The following CACNA2D2 variants were observed in gnomAD, a reference collection of about 807,000 sequenced individuals.
CACNA2D2 encodes the protein calcium voltage-gated channel auxiliary subunit alpha2delta 2, also known as voltage-dependent calcium channel subunit alpha-2/delta-2.
CACNA2D2 carries 48 observed loss-of-function variants against 166.4 expected under a neutral mutation model. The ratio of observed to expected loss-of-function variants is 0.29; its 90% CI spans 0.23 to 0.37. The LOEUF (loss-of-function observed/expected upper bound fraction) is 0.37, where lower values mean the gene tolerates loss of function less well. Ranked by LOEUF, CACNA2D2 falls within the 10% of genes least tolerant of loss-of-function variation. CACNA2D2 has a pLI of 1.00. For missense variants in CACNA2D2, 1,122 were observed against 1,433.0 expected (o/e 0.78, Z 3.50); for synonymous variants, 561 against 573.7 (o/e 0.98, Z 0.32).
Position 50,384,349 on chromosome 3 carries a change from G to A in CACNA2D2, c.511-12C>T. On this transcript the variant is annotated splice_polypyrimidine_tract_variant and intron_variant, in intron 5 of 37. Coordinates refer to ENST00000424201, the MANE Select transcript of CACNA2D2 (RefSeq NM_006030.4). ...CTCTCAGGGTCGTCCTGCAGAAAGG[G>A]CACCCCCGAGCAATGTCAGGGCTGG... The A allele has an allele frequency of 6.2e-7, 1 of 1,612,574 alleles. No homozygotes were observed. Among genetic ancestry groups the A allele is most frequent in the South Asian group, 1.1e-5 (1 of 90,930 alleles).
At chr3:50,401,216 T>A (rs1288710338) in intron 3 of CACNA2D2, among the ~76,000 whole-genome samples, 3 of 152,042 alleles carry the variant, frequency 2.0e-5, no homozygotes, top group Non-Finnish European at 4.4e-5. Context: ...CTCACAGGAC[T>A]CATGCGTCTT....
At chr3:50,412,945 TGACTGCCAGGGCCCAG>T (rs1707091131) in intron 3 of CACNA2D2, among the ~76,000 whole-genome samples, 1 of 152,096 alleles carries the variant, frequency 6.6e-6, no homozygotes, top group East Asian at 1.9e-4. Context: ...TCTATTAGGG[TGACTGCCAGGGCCCAG>T]GACTTGGGAC....
At chr3:50,472,213 T>A (rs1158715189) in intron 2 of CACNA2D2, among the ~76,000 whole-genome samples, 1 of 152,226 alleles carries the variant, frequency 6.6e-6, no homozygotes, top group Non-Finnish European at 1.5e-5. Flanking sequence ...TTTCCCCATT[T>A]GTATGACAGG....
Position 50,363,557 on chromosome 3 carries a change from A to C in CACNA2D2, c.*1109T>G. The C allele has an allele frequency of 3.1e-6, 1 of 327,208 alleles. No individual in the cohort carries two copies. The highest frequency in any genetic ancestry group is 5.5e-6 in the Non-Finnish European group (1 of 182,692). The allele number at this position is 327,208 out of a possible 1,614,324, so 20.3% of individuals were successfully genotyped here. Reference sequence around the variant, plus strand: ...GTGTGTGTGTAGGGGTGGGAAGGAGATAGGGAGTGGGCACAGGCCTGAGTG... The same window carrying C: ...GTGTGTGTGTAGGGGTGGGAAGGAGCTAGGGAGTGGGCACAGGCCTGAGTG... On this transcript the variant is annotated 3_prime_UTR_variant, in exon 38 of 38. Coordinates refer to ENST00000424201, the MANE Select transcript of CACNA2D2 (RefSeq NM_006030.4).
chr3:50,465,437 T>C (rs1224142950), intron 2 of CACNA2D2, among the ~76,000 whole-genome samples: 12 of 152,122 alleles, frequency 7.9e-5, no homozygotes, highest in Non-Finnish European at 1.3e-4. Context: ...TGCACGATGA[T>C]GCAGTGCAGT....
At chr3:50,431,182 C>T (rs967183152) in intron 3 of CACNA2D2, among the ~76,000 whole-genome samples, 100 of 152,240 alleles carry the variant, frequency 6.6e-4, no homozygotes, top group African/African-American at 2.1e-3. Flanking sequence ...CCCCCAACAG[C>T]CCTCCCTCCA....
In CACNA2D2 at chr3:50,366,247, A is replaced by C; in HGVS notation, c.2709+20T>G. On this transcript the variant is annotated intron_variant, in intron 31 of 37. Transcript: ENST00000424201. This position sits in a 1 kb window ranked among gnomAD's most constrained non-coding sequence, Gnocchi z 5.9. ...GCTCAAATCCCTACTCTCTTCTTTCACTCTCTTCCTGATCCTCACCTGGTC... is the reference window on the plus strand; with the variant it reads ...GCTCAAATCCCTACTCTCTTCTTTCCCTCTCTTCCTGATCCTCACCTGGTC... 1 of 1,613,420 alleles carries C rather than the reference A, an allele frequency of 6.2e-7. No individual in the cohort carries two copies. Among genetic ancestry groups the C allele is most frequent in the South Asian group, 1.1e-5 (1 of 91,054 alleles).
rs1240427064 is a variant in CACNA2D2 at position 50,363,322 on chromosome 3, G to A, written c.*1344C>T. The A allele has an allele frequency of 2.5e-6, 1 of 398,544 alleles. No homozygotes were observed. Among genetic ancestry groups the A allele is most frequent in the African/African-American group, 2.1e-5 (1 of 48,548 alleles). 24.7% of individuals were successfully genotyped at this position (398,544 alleles called of 1,614,324 possible). A position where few individuals can be genotyped will look rare whatever the true frequency, so the allele number is the denominator to read the frequency against. On this transcript the variant is annotated 3_prime_UTR_variant, in exon 38 of 38. Transcript: ENST00000424201. Reference sequence around the variant, plus strand: ...TTAATTAACGAAGCCATTAATTAATGCATCACCCTCCCCCTCCTCCCAGTC... The same window carrying A: ...TTAATTAACGAAGCCATTAATTAATACATCACCCTCCCCCTCCTCCCAGTC...
At position 50,427,745 on chromosome 3, in the gene CACNA2D2, G is replaced by A. The variant is rs1050870373; in HGVS notation, c.405+6568C>T. ...GAGGCTGAGCCCCAGCCACAACCCA[G>A]AGCCACAGCGCTGGCAACTGTTCTA... On this transcript the variant is annotated intron_variant, in intron 3 of 37. Coordinates refer to ENST00000424201, the MANE Select transcript of CACNA2D2 (RefSeq NM_006030.4). This position sits in a 1 kb window ranked among gnomAD's most constrained non-coding sequence, Gnocchi z 4.7. Among the ~76,000 whole-genome samples, 1 of 152,336 alleles carries A rather than the reference G, an allele frequency of 6.6e-6. No homozygotes were observed. The highest frequency in any genetic ancestry group is 1.9e-4 in the East Asian group (1 of 5,184).
chr3:50,390,947 C>T (rs1414923210), intron 4 of CACNA2D2, among the ~76,000 whole-genome samples: 4 of 152,258 alleles, frequency 2.6e-5, no homozygotes, highest in Non-Finnish European at 4.4e-5. Context: ...CCACCCGCTG[C>T]ACCAGTGAGG....
intron 1 of CACNA2D2, among the ~76,000 whole-genome samples, chr3:50,497,493 G>A (rs1698771279): frequency 6.6e-6 from 1 of 152,190 alleles, no homozygotes; most frequent in African/African-American, 2.4e-5. Context: ...GTGATGGCTG[G>A]GGACCCAGCA....
At chr3:50,445,556 C>T (rs201836955) in intron 2 of CACNA2D2, among the ~76,000 whole-genome samples, 10 of 152,284 alleles carry the variant, frequency 6.6e-5, no homozygotes, top group South Asian at 2.1e-4. Context: ...CTTGTAAGTG[C>T]CCTTAAGTCT....
At chr3:50,449,773 T>C (rs1709016266) in intron 2 of CACNA2D2, among the ~76,000 whole-genome samples, 1 of 152,062 alleles carries the variant, frequency 6.6e-6, no homozygotes, top group South Asian at 2.1e-4. Flanking sequence ...GGGGGGAGCC[T>C]GTACTCCCAG....
At chr3:50,450,547 G>C (rs1424775886) in intron 2 of CACNA2D2, among the ~76,000 whole-genome samples, 1 of 152,204 alleles carries the variant, frequency 6.6e-6, no homozygotes, top group African/African-American at 2.4e-5. Flanking sequence ...CAGGAAAGGA[G>C]CACTTGGCAT....
At chr3:50,420,880 G>A (rs559772232) in intron 3 of CACNA2D2, among the ~76,000 whole-genome samples, 14 of 152,344 alleles carry the variant, frequency 9.2e-5, no homozygotes, top group Non-Finnish European at 1.8e-4. Flanking sequence ...GCCAGGCTGT[G>A]AGTGGGAAAG....
chr3:50,418,341 A>G (rs897068116), intron 3 of CACNA2D2, among the ~76,000 whole-genome samples: 1 of 152,136 alleles, frequency 6.6e-6, no homozygotes, highest in Non-Finnish European at 1.5e-5. Flanking sequence ...CAAAGTTCCC[A>G]CTGCTCTTTC....
At chr3:50,485,054 C>T (rs374185162) in intron 1 of CACNA2D2, among the ~76,000 whole-genome samples, 2 of 152,222 alleles carry the variant, frequency 1.3e-5, no homozygotes, top group Admixed American at 6.5e-5. Flanking sequence ...CTGTGGCTTC[C>T]GTGCATAATT....
intron 3 of CACNA2D2, among the ~76,000 whole-genome samples, chr3:50,421,363 G>A (rs1251736137): frequency 6.6e-6 from 1 of 152,122 alleles, no homozygotes; most frequent in East Asian, 1.9e-4. Flanking sequence ...GTCACCCTGA[G>A]GAGATTGTGG....
rs142979341 is a variant in CACNA2D2 at position 50,375,899 on chromosome 3, T to A, written c.1774-19A>T. The A allele has an allele frequency of 1.8e-5, 29 of 1,612,900 alleles. No homozygotes were observed. In the East Asian group the frequency reaches 6.5e-4, roughly 36 times the overall value. Reference sequence around the variant, plus strand: ...GACGGATCTGGAAGGGCCAGAGATGTGAGGGGCAGGGCCCCTACACTCCTC... The same window carrying A: ...GACGGATCTGGAAGGGCCAGAGATGAGAGGGGCAGGGCCCCTACACTCCTC... On this transcript the variant is annotated intron_variant, in intron 19 of 37. Transcript: ENST00000424201. The surrounding 1 kb of genome is among the most constrained non-coding windows in gnomAD (Gnocchi z 4.0).
Sources: allele counts gnomAD v4.1 joint callset (sites outside exome capture counted in the v4.1 genomes callset), GRCh38; gene constraint gnomAD v4.1.1; non-coding constraint Gnocchi (gnomAD v3.1); transcripts MANE v1.5; gene names NCBI Gene and HGNC (gene_info 2026-07-23, HGNC 2026-07-21).